The following PAM variants were observed in gnomAD, a reference collection of about 807,000 sequenced individuals.
The protein encoded by PAM is peptidyl-glycine alpha-amidating monooxygenase.
Under a neutral mutation model 122.1 loss-of-function variants are expected in PAM, and 72 were observed. The observed-to-expected ratio is 0.59, with a 90% CI of 0.49 to 0.72. PAM has a LOEUF of 0.72. PAM is among the 30% of genes least tolerant of loss of function. PAM has a pLI of 0.00. For synonymous variants in PAM, 389 were observed against 404.4 expected (o/e 0.96, Z 0.46); for missense variants, 1,106 against 1,183.7 (o/e 0.93, Z 0.96).
At chr5:102,976,126 A>G (rs1767583013) in intron 15 of PAM, among the ~76,000 whole-genome samples, 1 of 152,202 alleles carries the variant, frequency 6.6e-6, no homozygotes, top group Non-Finnish European at 1.5e-5. Flanking sequence ...CGTGAATAAC[A>G]TGAGTCATAG....
intron 16 of PAM, among the ~76,000 whole-genome samples, chr5:102,996,277 A>C: frequency 6.6e-6 from 1 of 152,322 alleles, no homozygotes; most frequent in East Asian, 1.9e-4. Flanking sequence ...AAAAATCAAA[A>C]GTGCTCCAGG....
chr5:102,833,355 G>A (rs1448709644), intron 1 of PAM, among the ~76,000 whole-genome samples: 1 of 152,124 alleles, frequency 6.6e-6, no homozygotes, highest in East Asian at 1.9e-4. Context: ...TCCTTAAATG[G>A]AGTCTTTGTT....
In PAM at chr5:102,758,070, TTTG is replaced by T. The variant is rs1347468391; in HGVS notation, c.-374+2725_-374+2727del. Among the ~76,000 whole-genome samples the T allele has an allele frequency of 1.8e-3, 64 of 35,976 alleles. 9 individuals are homozygous for T. The East Asian group carries it at 0.045, about 25-fold the overall frequency. 23.6% of individuals were successfully genotyped at this position (35,976 alleles called of 152,430 possible). A position where few individuals can be genotyped will look rare whatever the true frequency, so the allele number is the denominator to read the frequency against. On this transcript the variant is annotated intron_variant, in intron 1 of 25. Coordinates refer to ENST00000438793, the MANE Select transcript of PAM (RefSeq NM_001177306.2). The stretch of plus-strand genomic sequence containing the variant: ...AAAAAAAAAAAAAAAGACTTAGAAT[TTTG>T]TTTTTTTTTTTTTTTTTTTTTTTTT...
chr5:102,995,647 C>G (rs1775485239), intron 16 of PAM, among the ~76,000 whole-genome samples: 1 of 152,018 alleles, frequency 6.6e-6, no homozygotes, highest in Admixed American at 6.6e-5. Flanking sequence ...CCCCAGTGGC[C>G]TTATTGACTG....
intron 1 of PAM, among the ~76,000 whole-genome samples, chr5:102,782,085 G>A (rs983144653): frequency 2.6e-5 from 4 of 152,188 alleles, no homozygotes; most frequent in Non-Finnish European, 5.9e-5. Flanking sequence ...TTGTATCCTT[G>A]CTCATGAAAT....
chr5:102,948,712 A>T (rs1052969530), intron 9 of PAM, among the ~76,000 whole-genome samples: 1 of 152,084 alleles, frequency 6.6e-6, no homozygotes, highest in African/African-American at 2.4e-5. Flanking sequence ...ATAAATCTTG[A>T]GTATTTAAAA....
intron 1 of PAM, among the ~76,000 whole-genome samples, chr5:102,783,349 A>C (rs1759575747): frequency 6.6e-6 from 1 of 152,218 alleles, no homozygotes; most frequent in Non-Finnish European, 1.5e-5. Context: ...TATCACCATA[A>C]ATTAGTTTAA....
chr5:102,887,979 C>T (rs1793662335), intron 3 of PAM, among the ~76,000 whole-genome samples: 2 of 151,944 alleles, frequency 1.3e-5, no homozygotes, highest in South Asian at 4.1e-4. Flanking sequence ...TGGTAGCTCT[C>T]CTAGCACCCC....
chr5:102,950,574 A>G (rs1758533809), intron 11 of PAM, 143 bp from the exon 12 acceptor site: 2 of 586,234 alleles, frequency 3.4e-6, no homozygotes, highest in Non-Finnish European at 6.2e-6. Flanking sequence ...ATGCTGAAAA[A>G]GCATTTGATA....
chr5:103,003,408 T>C (rs1777995202), intron 17 of PAM, among the ~76,000 whole-genome samples: 1 of 152,182 alleles, frequency 6.6e-6, no homozygotes, highest in Non-Finnish European at 1.5e-5. Context: ...AACTGTCTGT[T>C]CAGGTCCTTG....
intron 3 of PAM, among the ~76,000 whole-genome samples, chr5:102,900,249 G>A (rs1172869240): frequency 8.0e-6 from 1 of 125,614 alleles, no homozygotes; most frequent in Non-Finnish European, 1.7e-5. Context: ...CTTAATGTGT[G>A]TGTGTGGGGG....
intron 3 of PAM, among the ~76,000 whole-genome samples, chr5:102,893,573 G>A (rs975597835): frequency 1.3e-5 from 2 of 151,742 alleles, no homozygotes; most frequent in African/African-American, 2.4e-5. Flanking sequence ...CTTTAACATT[G>A]TAGTTTTTAT....
intron 22 of PAM, 117 bp from the exon 23 acceptor site, chr5:103,019,673 T>A (rs1783007477): frequency 1.4e-6 from 1 of 699,730 alleles, no homozygotes; most frequent in Admixed American, 2.2e-5. Flanking sequence ...AATATAATAA[T>A]GCATTTGATG....
At chr5:102,847,019 C>G (rs1385504045) in intron 1 of PAM, among the ~76,000 whole-genome samples, 1 of 152,188 alleles carries the variant, frequency 6.6e-6, no homozygotes, top group East Asian at 1.9e-4. Context: ...TCATACCTTT[C>G]AAGGCTGGGA....
intron 3 of PAM, among the ~76,000 whole-genome samples, chr5:102,900,487 A>T (rs1797497082): frequency 6.6e-6 from 1 of 151,572 alleles, no homozygotes; most frequent in South Asian, 2.1e-4. Flanking sequence ...ACACAAGTAG[A>T]AACATAGGTA....
At chr5:102,765,345 A>G (rs1425851598) in intron 1 of PAM, among the ~76,000 whole-genome samples, 1 of 152,212 alleles carries the variant, frequency 6.6e-6, no homozygotes, top group Non-Finnish European at 1.5e-5. Context: ...CATTCAGTGT[A>G]GTTGTGAAGA....
intron 4 of PAM, among the ~76,000 whole-genome samples, chr5:102,908,907 T>C (rs955686157): frequency 1.3e-5 from 2 of 151,770 alleles, no homozygotes; most frequent in African/African-American, 4.8e-5. Context: ...TGCTGTGAGC[T>C]TTACATTTCT....
chr5:102,953,968 A>G, intron 12 of PAM, among the ~76,000 whole-genome samples: 1 of 152,134 alleles, frequency 6.6e-6, no homozygotes. Context: ...AGCCAAGATC[A>G]TGCCATTGCG....
intron 15 of PAM, among the ~76,000 whole-genome samples, chr5:102,984,219 G>C (rs1415676780): frequency 2.6e-5 from 4 of 152,086 alleles, no homozygotes; most frequent in Non-Finnish European, 2.9e-5. Context: ...TTAACAAAAT[G>C]ACAAAAATAA....
Sources: gnomAD v4.1 joint callset for allele counts (sites outside exome capture counted in the v4.1 genomes callset) on GRCh38, gnomAD v4.1.1 for gene constraint, MANE v1.5 for transcripts, NCBI Gene and HGNC (gene_info 2026-07-23, HGNC 2026-07-21) for gene names.